The following PGAP1 variants were observed in gnomAD, a reference collection of about 807,000 sequenced individuals.
PGAP1 encodes the protein post-GPI attachment to proteins inositol deacylase 1.
A neutral mutation model predicts 127.0 loss-of-function variants in PGAP1; 76 were observed. That is an observed-to-expected ratio of 0.60 (90% CI 0.50 to 0.72). The LOEUF (loss-of-function observed/expected upper bound fraction) is 0.72, where lower values mean the gene tolerates loss of function less well. PGAP1 is among the 30% of genes least tolerant of loss of function. The pLI, the probability that PGAP1 is intolerant of heterozygous loss-of-function variation, is 0.00. For synonymous variants in PGAP1, 362 were observed against 366.5 expected, an observed-to-expected ratio of 0.99 and a Z score of 0.14; for missense variants, 982 against 1,071.3, an observed-to-expected ratio of 0.92 and a Z score of 1.16.
At chr2:196,870,513 C>T (rs1322324659) in intron 19 of PGAP1, among the ~76,000 whole-genome samples, 1 of 152,032 alleles carries the variant, frequency 6.6e-6, no homozygotes, top group Non-Finnish European at 1.5e-5. Context: ...CCAGGCTGGT[C>T]TCGAACTCCT....
chr2:196,902,360 A>T (rs1702524102), intron 5 of PGAP1, among the ~76,000 whole-genome samples: 1 of 152,108 alleles, frequency 6.6e-6, no homozygotes, highest in South Asian at 2.1e-4. Context: ...CCCTATGGAC[A>T]TAAGCATCCA....
intron 17 of PGAP1, 128 bp from the exon 18 acceptor site, chr2:196,872,677 G>C (rs1232132887): frequency 4.6e-6 from 3 of 659,156 alleles, no homozygotes; most frequent in African/African-American, 1.8e-5. Context: ...CATAATTGTG[G>C]ATGGGCACTT....
In PGAP1 at chr2:196,872,820, T is replaced by G. The variant is rs1701450619; in HGVS notation, c.1619+140A>C. Reference sequence around the variant, plus strand: ...TTTCATAAGAATACTATATATTAAATTATAGGAACAATGCTACATAAAGGA... The same window carrying G: ...TTTCATAAGAATACTATATATTAAAGTATAGGAACAATGCTACATAAAGGA... On this transcript the variant is annotated intron_variant, in intron 17 of 26. Coordinates refer to ENST00000354764, the MANE Select transcript of PGAP1 (RefSeq NM_024989.4). 7 of 572,978 alleles carry G rather than the reference T, an allele frequency of 1.2e-5. No homozygotes were observed. In the East Asian group the frequency reaches 2.1e-4, roughly 18 times the overall value. 35.5% of individuals were successfully genotyped at this position (572,978 alleles called of 1,614,324 possible). A position where few individuals can be genotyped will look rare whatever the true frequency, so the allele number is the denominator to read the frequency against.
rs756604125 is a variant in PGAP1, at chr2:196,842,870, T to C, written c.2526-45A>G. 1.8e-5 allele frequency: 16 copies of C among 896,718 alleles called. No individual in the cohort carries two copies. The African/African-American group carries it at 2.8e-4, about 16-fold the overall frequency. 55.5% of individuals were successfully genotyped at this position (896,718 alleles called of 1,614,324 possible). A position where few individuals can be genotyped will look rare whatever the true frequency, so the allele number is the denominator to read the frequency against. ...AACCCACAAATCAACAATGACCTGA[T>C]CATTTTAAATTATCAGAATCAAGAG... On this transcript the variant is annotated intron_variant, in intron 25 of 26. Transcript: ENST00000354764.
chr2:196,912,355 C>T (rs964540021), intron 4 of PGAP1, among the ~76,000 whole-genome samples: 63 of 152,060 alleles, frequency 4.1e-4, no homozygotes, highest in African/African-American at 1.4e-3. Flanking sequence ...ACTAAACTGG[C>T]CAGGCATGGT....
rs888644763 is a variant in PGAP1 at position 196,838,198 on chromosome 2, A to G, written c.*3036T>C. 1.3e-5 allele frequency: 2 copies of G among 152,228 alleles called. No individual in the cohort carries two copies. Among genetic ancestry groups the G allele is most frequent in the African/African-American group, 4.8e-5 (2 of 41,470 alleles). 9.4% of individuals were successfully genotyped at this position (152,228 alleles called of 1,614,324 possible). A position where few individuals can be genotyped will look rare whatever the true frequency, so the allele number is the denominator to read the frequency against. ...GATCTGGTTATCAACAATAGGGTCT[A>G]GGAGTTAAGCACAAAACTTACTCAT... On this transcript the variant is annotated 3_prime_UTR_variant, in exon 27 of 27. Transcript: ENST00000354764.
rs1239471398 is a variant in PGAP1 at position 196,833,685 on chromosome 2, G to C, written c.*7549C>G. On this transcript the variant is annotated 3_prime_UTR_variant, in exon 27 of 27. Coordinates refer to ENST00000354764, the MANE Select transcript of PGAP1 (RefSeq NM_024989.4). ...TTTTGTCTGGCGAGTAGGTAGTGGA[G>C]GTAAAATGGGAAAACAATGTGTTGA... The C allele has an allele frequency of 6.6e-6, 1 of 152,034 alleles. No homozygotes were observed. Among genetic ancestry groups the C allele is most frequent in the Non-Finnish European group, 1.5e-5 (1 of 67,976 alleles). The allele number at this position is 152,034 out of a possible 1,614,324, so 9.4% of individuals were successfully genotyped here.
At position 196,920,020 on chromosome 2, in the gene PGAP1, C is replaced by T. The variant is rs766928240; in HGVS notation, c.278G>A (p.Gly93Asp). 1 of 1,610,124 alleles carries T rather than the reference C, an allele frequency of 6.2e-7. No individual in the cohort carries two copies. The highest frequency in any genetic ancestry group is 1.3e-5 in the African/African-American group (1 of 74,716). ...LTGIPVLFLPGNAGSYKQVRS... is the reference protein window; with the variant it reads ...LTGIPVLFLPDNAGSYKQVRS... ...ACCTTGCTTATAACTTCCAGCATTACCAGGAAGAAAGAGAACTGGAATACC... is the reference window on the plus strand; with the variant it reads ...ACCTTGCTTATAACTTCCAGCATTATCAGGAAGAAAGAGAACTGGAATACC... The change falls in exon 2 of 27, where the codon GGT becomes GAT. Residue 93 changes from glycine to aspartate, a missense_variant. Transcript: ENST00000354764.
intron 20 of PGAP1, among the ~76,000 whole-genome samples, chr2:196,863,475 G>A (rs1701134540): frequency 6.6e-6 from 1 of 152,140 alleles, no homozygotes; most frequent in Non-Finnish European, 1.5e-5. Flanking sequence ...GGCATAGAAA[G>A]ACAAATATTA....
chr2:196,843,169 A>G (rs1000929668), intron 25 of PGAP1, among the ~76,000 whole-genome samples: 3 of 152,196 alleles, frequency 2.0e-5, no homozygotes, highest in African/African-American at 7.2e-5. Flanking sequence ...CAAAAAAGAT[A>G]AAATGAAGGT....
intron 26 of PGAP1, 34 bp downstream of exon 26, chr2:196,842,687 A>T: frequency 1.8e-6 from 2 of 1,134,696 alleles, no homozygotes; most frequent in Middle Eastern, 2.4e-4. Flanking sequence ...GGCCAAGAAC[A>T]GATATAAGAA....
rs1700155894 is a variant in PGAP1 at position 196,833,655 on chromosome 2, T to G, written c.*7579A>C. On this transcript the variant is annotated 3_prime_UTR_variant, in exon 27 of 27. Coordinates refer to ENST00000354764, the MANE Select transcript of PGAP1 (RefSeq NM_024989.4). ...CTTTGTATGTGTTTTTAGAGAAATCTATATTTTTGTCTGGCGAGTAGGTAG... is the reference window on the plus strand; with the variant it reads ...CTTTGTATGTGTTTTTAGAGAAATCGATATTTTTGTCTGGCGAGTAGGTAG... 1 of 152,136 alleles carries G rather than the reference T, an allele frequency of 6.6e-6. No individual in the cohort carries two copies. The highest frequency in any genetic ancestry group is 1.5e-5 in the Non-Finnish European group (1 of 67,970). The allele number at this position is 152,136 out of a possible 1,614,324, so 9.4% of individuals were successfully genotyped here. A position where few individuals can be genotyped will look rare whatever the true frequency, so the allele number is the denominator to read the frequency against.
chr2:196,920,478 A>G (rs1453310822), intron 1 of PGAP1, among the ~76,000 whole-genome samples: 1 of 152,186 alleles, frequency 6.6e-6, no homozygotes, highest in African/African-American at 2.4e-5. Context: ...ACATGTTAAC[A>G]TAATTGGATA....
chr2:196,859,113 G>C (rs1368146004), intron 20 of PGAP1, among the ~76,000 whole-genome samples: 2 of 152,056 alleles, frequency 1.3e-5, no homozygotes, highest in African/African-American at 4.8e-5. Context: ...GATCACCTGA[G>C]GTCAGGAGTT....
Position 196,860,256 on chromosome 2 carries a change from G to T in PGAP1, c.1861+4731C>A, listed in dbSNP as rs545086435. On this transcript the variant is annotated intron_variant, in intron 20 of 26. Coordinates refer to ENST00000354764, the MANE Select transcript of PGAP1 (RefSeq NM_024989.4). ...CTGAAAAAGAAATCAAGAGGGCTGG[G>T]CGCAGTGGCTCATGCCTGTAATCCC... Among the ~76,000 whole-genome samples the T allele has an allele frequency of 2.0e-5, 3 of 152,296 alleles. No homozygotes were observed. In the South Asian group the frequency reaches 6.2e-4, roughly 32 times the overall value.
intron 10 of PGAP1, among the ~76,000 whole-genome samples, chr2:196,888,271 A>T (rs1185402409): frequency 6.6e-6 from 1 of 152,182 alleles, no homozygotes; most frequent in Non-Finnish European, 1.5e-5. Context: ...TACTGTATTT[A>T]ATGGCTACTA....
At chr2:196,899,901 G>A (rs1702424089) in intron 5 of PGAP1, among the ~76,000 whole-genome samples, 1 of 152,186 alleles carries the variant, frequency 6.6e-6, no homozygotes, top group South Asian at 2.1e-4. Context: ...AGCTGGGCAT[G>A]GGGGCGTGTG....
intron 18 of PGAP1, among the ~76,000 whole-genome samples, 179 bp from the exon 19 acceptor site, chr2:196,871,158 G>A (rs894712569): frequency 6.6e-6 from 1 of 152,132 alleles, no homozygotes; most frequent in Non-Finnish European, 1.5e-5. Flanking sequence ...TTGCATTAAA[G>A]TAGAGTGTTA....
intron 20 of PGAP1, among the ~76,000 whole-genome samples, chr2:196,855,363 G>T (rs1196988514): frequency 6.8e-6 from 1 of 147,490 alleles, no homozygotes; most frequent in Non-Finnish European, 1.5e-5. Context: ...TCATATCTCA[G>T]CCTCCCAAAG....
Sources: gnomAD v4.1 joint callset for allele counts (sites outside exome capture counted in the v4.1 genomes callset) on GRCh38, gnomAD v4.1.1 for gene constraint, MANE v1.5 for transcripts, NCBI Gene and HGNC (gene_info 2026-07-23, HGNC 2026-07-21) for gene names.